Variants in TPH2 observed in about 807,000 individuals in gnomAD.
TPH2 encodes the protein tryptophan 5-hydroxylase 2.
Under a neutral mutation model 59.1 loss-of-function variants are expected in TPH2, and 27 were observed. That is an observed-to-expected ratio of 0.46 (90% confidence interval 0.34 to 0.63). The LOEUF is 0.63. TPH2 is among the 30% of genes least tolerant of loss of function. The pLI, the probability that TPH2 is intolerant of heterozygous loss-of-function variation, is 0.01. For synonymous variants in TPH2, 220 were observed against 210.5 expected, an observed-to-expected ratio of 1.05 and a Z score of -0.39; for missense variants, 523 against 588.3, an observed-to-expected ratio of 0.89 and a Z score of 1.15.
chr12:72,000,077 T>A (rs1439443682), intron 8 of TPH2, among the ~76,000 whole-genome samples: 1 of 152,164 alleles, frequency 6.6e-6, no homozygotes, highest in Non-Finnish European at 1.5e-5. Flanking sequence ...TGAACATGTG[T>A]CAAAGATTTA....
chr12:71,958,680 T>C (rs907780215), intron 5 of TPH2, among the ~76,000 whole-genome samples: 2 of 152,184 alleles, frequency 1.3e-5, no homozygotes, highest in African/African-American at 4.8e-5. Context: ...ACCCAAAGCC[T>C]GACCCTCGTG....
chr12:71,945,691 C>G (rs887303974), intron 4 of TPH2, among the ~76,000 whole-genome samples: 8 of 152,110 alleles, frequency 5.3e-5, no homozygotes, highest in African/African-American at 1.9e-4. Flanking sequence ...AGTTTGAGAA[C>G]CCCTGTTTTA....
chr12:71,965,696 A>G (rs192658941), intron 5 of TPH2, among the ~76,000 whole-genome samples: 16 of 152,368 alleles, frequency 1.1e-4, no homozygotes, highest in Admixed American at 1.0e-3. Context: ...AGTTCCTTAT[A>G]GATGCTGGAT....
In TPH2 at chr12:71,938,919, C is replaced by A. The variant is rs1870973243; in HGVS notation, c.-68C>A. 1 of 1,372,250 alleles carries A rather than the reference C, an allele frequency of 7.3e-7. No individual in the cohort carries two copies. 85.0% of individuals were successfully genotyped at this position (1,372,250 alleles called of 1,614,324 possible). The stretch of plus-strand genomic sequence containing the variant: ...TGATCGCACGCCCCTTCCTCTCAAT[C>A]TCCGCCAGCGCTGCTACTGCCCCTC... On this transcript the variant is annotated 5_prime_UTR_variant, in exon 1 of 11. Transcript: ENST00000333850.
At chr12:71,980,238 G>A (rs1303621481) in intron 7 of TPH2, among the ~76,000 whole-genome samples, 2 of 152,156 alleles carry the variant, frequency 1.3e-5, no homozygotes, top group African/African-American at 2.4e-5. Flanking sequence ...ATTAAAATGA[G>A]TGCCTTGCTT....
intron 6 of TPH2, among the ~76,000 whole-genome samples, chr12:71,976,073 A>G (rs1342300159): frequency 1.3e-5 from 2 of 152,246 alleles, no homozygotes; most frequent in African/African-American, 2.4e-5. Flanking sequence ...GTAGAATGTC[A>G]GGGCTTGAGT....
chr12:71,956,771 G>A (rs1284540000), intron 5 of TPH2, among the ~76,000 whole-genome samples: 1 of 152,004 alleles, frequency 6.6e-6, no homozygotes, highest in Non-Finnish European at 1.5e-5. Context: ...CATCATGCCT[G>A]GCTAATTTTT....
chr12:71,967,086 G>A (rs990439030), intron 5 of TPH2, among the ~76,000 whole-genome samples: 1 of 152,146 alleles, frequency 6.6e-6, no homozygotes, highest in Non-Finnish European at 1.5e-5. Flanking sequence ...CAAAATTTCA[G>A]TCTCAGTGGG....
chr12:71,994,702 A>G (rs1255294571), intron 8 of TPH2, 137 bp downstream of exon 8: 1 of 1,097,844 alleles, frequency 9.1e-7, no homozygotes, highest in East Asian at 2.6e-5. Flanking sequence ...CCTATGTTGT[A>G]TTCTTTTGAA....
At position 71,963,447 on chromosome 12, in the gene TPH2, T is replaced by TGTATATGTATATACATAC. The variant is rs1871736656; in HGVS notation, c.609-9072_609-9071insGTATATGTATATACATAC. Among the ~76,000 whole-genome samples the TGTATATGTATATACATAC allele has an allele frequency of 1.1e-4, 4 of 37,296 alleles. 2 individuals are homozygous for TGTATATGTATATACATAC. The highest frequency in any genetic ancestry group is 2.8e-4 in the African/African-American group (4 of 14,164). 24.5% of individuals were successfully genotyped at this position (37,296 alleles called of 152,430 possible). A position where few individuals can be genotyped will look rare whatever the true frequency, so the allele number is the denominator to read the frequency against. ...ATTAGTGTGTGTATATACATACATA[T>TGTATATGTATATACATAC]ATATATATATGTATGTATATACACA... On this transcript the variant is annotated intron_variant, in intron 5 of 10. Transcript: ENST00000333850.
intron 8 of TPH2, among the ~76,000 whole-genome samples, chr12:72,003,351 T>A (rs1872873725): frequency 6.6e-6 from 1 of 152,206 alleles, no homozygotes; most frequent in Non-Finnish European, 1.5e-5. Flanking sequence ...GATGTTTGTG[T>A]GGATGATCAG....
intron 8 of TPH2, among the ~76,000 whole-genome samples, chr12:72,012,265 G>A (rs528650097): frequency 1.0e-3 from 155 of 152,278 alleles, no homozygotes; most frequent in Middle Eastern, 6.8e-3. Flanking sequence ...TGGTGGAGAG[G>A]ACAGGCAGGA....
At chr12:72,016,985 G>A (rs1592413210) in intron 8 of TPH2, among the ~76,000 whole-genome samples, 1 of 152,160 alleles carries the variant, frequency 6.6e-6, no homozygotes, top group Non-Finnish European at 1.5e-5. Context: ...GTAGGGAAAT[G>A]GGAATAGTAA....
chr12:71,978,042 A>G (rs906928477), intron 6 of TPH2, among the ~76,000 whole-genome samples: 9 of 152,200 alleles, frequency 5.9e-5, no homozygotes, highest in African/African-American at 1.7e-4. Context: ...TATTCAGTAT[A>G]GTAATGTGTT....
intron 7 of TPH2, among the ~76,000 whole-genome samples, chr12:71,991,896 A>C (rs911711678): frequency 6.6e-6 from 1 of 152,192 alleles, no homozygotes; most frequent in African/African-American, 2.4e-5. Flanking sequence ...AGTTGCTTGA[A>C]GCTTGCTAGG....
chr12:71,967,279 T>C (rs1405569435), intron 5 of TPH2, among the ~76,000 whole-genome samples: 1 of 152,206 alleles, frequency 6.6e-6, no homozygotes, highest in Admixed American at 6.5e-5. Context: ...TCCTTTTCTC[T>C]AGGAAGAGTG....
At chr12:71,953,323 G>A (rs1189061640) in intron 5 of TPH2, among the ~76,000 whole-genome samples, 4 of 152,078 alleles carry the variant, frequency 2.6e-5, no homozygotes, top group Admixed American at 1.3e-4. Flanking sequence ...TTAATGCCCC[G>A]CATGCTGTCA....
chr12:72,008,916 T>C (rs1446859976), intron 8 of TPH2, among the ~76,000 whole-genome samples: 1 of 152,102 alleles, frequency 6.6e-6, no homozygotes, highest in Non-Finnish European at 1.5e-5. Flanking sequence ...CAAAGCAGCA[T>C]CTTCTGGTCT....
intron 8 of TPH2, among the ~76,000 whole-genome samples, chr12:71,996,260 A>G (rs7967586): frequency 0.023 from 3,473 of 152,306 alleles, 138 homozygotes; most frequent in African/African-American, 0.078. Context: ...ACAAGTGATG[A>G]CAGAGAGTGA....
Sources: gnomAD v4.1 joint callset for allele counts (sites outside exome capture counted in the v4.1 genomes callset) on GRCh38, gnomAD v4.1.1 for gene constraint, MANE v1.5 for transcripts, NCBI Gene and HGNC (gene_info 2026-07-23, HGNC 2026-07-21) for gene names.